The following SAMD5 variants were observed in gnomAD, a reference collection of about 807,000 sequenced individuals.
SAMD5 encodes the protein sterile alpha motif domain containing 5, also known as sterile alpha motif domain-containing protein 5.
In SAMD5, 13 loss-of-function variants were observed where a neutral mutation model predicts 11.3. The ratio of observed to expected loss-of-function variants is 1.15; its 90% CI spans 0.75 to 1.83. The LOEUF is 1.83. Ranked by LOEUF, SAMD5 falls within the 40% of genes most tolerant of loss-of-function variation. SAMD5 has a pLI of 0.00. For missense variants in SAMD5, 255 were observed against 239.1 expected, an observed-to-expected ratio of 1.07 and a Z score of -0.44; for synonymous variants, 129 against 111.3, an observed-to-expected ratio of 1.16 and a Z score of -1.00.
At chr6:147,827,396 G>T in the SAMD5 span, among the ~76,000 whole-genome samples, 1 of 151,954 alleles carries the variant, frequency 6.6e-6, no homozygotes, top group Non-Finnish European at 1.5e-5. Context: ...AGTCAACTGA[G>T]AAAAATGTCA....
the SAMD5 span, among the ~76,000 whole-genome samples, chr6:147,749,987 T>C: frequency 3.8e-3 from 578 of 152,336 alleles, 4 homozygotes; most frequent in Middle Eastern, 0.054. Context: ...CTCTTTCTTA[T>C]TCCTTATCTG....
the SAMD5 span, among the ~76,000 whole-genome samples, chr6:147,790,219 G>A: frequency 1.3e-5 from 2 of 152,144 alleles, no homozygotes; most frequent in African/African-American, 4.8e-5. Flanking sequence ...TCTATACAAT[G>A]GAATATTATA....
At chr6:147,892,082 TG>T in the SAMD5 span, among the ~76,000 whole-genome samples, 9 of 152,236 alleles carry the variant, frequency 5.9e-5, no homozygotes, top group African/African-American at 2.2e-4. Context: ...CAGGCTCTCC[TG>T]GGTTGCAAAT....
chr6:147,514,438 T>C (rs998316218), intron 1 of SAMD5, among the ~76,000 whole-genome samples: 1 of 150,840 alleles, frequency 6.6e-6, no homozygotes, highest in Non-Finnish European at 1.5e-5. Flanking sequence ...CATTCCATCA[T>C]GTAATGTTTA....
At chr6:147,579,116 G>A (rs763947657) in intron 1 of SAMD5, among the ~76,000 whole-genome samples, 10 of 152,246 alleles carry the variant, frequency 6.6e-5, no homozygotes, top group Non-Finnish European at 1.2e-4. Context: ...TGCAGGTACT[G>A]CATTGGTCTC....
the SAMD5 span, among the ~76,000 whole-genome samples, chr6:147,903,879 G>C: frequency 6.6e-6 from 1 of 150,432 alleles, no homozygotes; most frequent in East Asian, 2.0e-4. Context: ...CTGCACTCCA[G>C]CCTGGGCGAC....
chr6:147,795,134 A>G, the SAMD5 span, among the ~76,000 whole-genome samples: 1 of 149,580 alleles, frequency 6.7e-6, no homozygotes, highest in East Asian at 2.0e-4. Flanking sequence ...TTACATACGT[A>G]TACATGTGCC....
the SAMD5 span, among the ~76,000 whole-genome samples, chr6:147,910,426 ACT>A: frequency 6.6e-6 from 1 of 151,798 alleles, no homozygotes; most frequent in Admixed American, 6.6e-5. Context: ...GCCACCTGCT[ACT>A]CTCTCCGGGC....
At chr6:147,918,550 C>T in the SAMD5 span, among the ~76,000 whole-genome samples, 1 of 152,108 alleles carries the variant, frequency 6.6e-6, no homozygotes, top group Non-Finnish European at 1.5e-5. Context: ...AAGAGGAAGT[C>T]AAATCGTCCC....
At position 147,566,078 on chromosome 6, in the gene SAMD5, A is replaced by G. The variant is rs1480959087; in HGVS notation, c.*1622A>G. On this transcript the variant is annotated 3_prime_UTR_variant, in exon 2 of 2. Coordinates refer to ENST00000367474, the MANE Select transcript of SAMD5 (RefSeq NM_001030060.3). ...CCATTAAGAAGGATATTAGGTTTCT[A>G]AGGACAATTTTAACACAATACTGCT... is the stretch of plus-strand genomic sequence containing the variant. The G allele has an allele frequency of 5.1e-6, 5 of 983,568 alleles. No homozygotes were observed. In the African/African-American group the frequency reaches 7.0e-5, roughly 14 times the overall value. The allele number at this position is 983,568 out of a possible 1,614,324, so 60.9% of individuals were successfully genotyped here.
At chr6:147,700,374 A>G (rs1489916862) in intron 1 of SAMD5, among the ~76,000 whole-genome samples, 1 of 152,188 alleles carries the variant, frequency 6.6e-6, no homozygotes, top group Non-Finnish European at 1.5e-5. Context: ...AGCTGTTTTA[A>G]TGAAAAGCAG....
intron 1 of SAMD5, among the ~76,000 whole-genome samples, chr6:147,682,415 G>T (rs1229327756): frequency 6.6e-6 from 1 of 152,126 alleles, no homozygotes; most frequent in Non-Finnish European, 1.5e-5. Context: ...TGAGAGTTTT[G>T]ATTGGTCCAC....
At chr6:147,527,224 T>C (rs1431435125) in intron 1 of SAMD5, among the ~76,000 whole-genome samples, 1 of 151,976 alleles carries the variant, frequency 6.6e-6, no homozygotes, top group Non-Finnish European at 1.5e-5. Context: ...ATAAAGAAAA[T>C]AGGTTTAACA....
intron 1 of SAMD5, among the ~76,000 whole-genome samples, chr6:147,550,995 CA>C (rs1788762698): frequency 6.6e-6 from 1 of 152,078 alleles, no homozygotes; most frequent in Non-Finnish European, 1.5e-5. Context: ...TGTTTTTTGA[CA>C]TTCAGTGATT....
chr6:147,816,320 A>G, the SAMD5 span, among the ~76,000 whole-genome samples: 1 of 136,212 alleles, frequency 7.3e-6, no homozygotes, highest in East Asian at 2.0e-4. Flanking sequence ...ATATATATAT[A>G]TATATATACA....
At chr6:147,740,318 C>T (rs1791862035), downstream of SAMD5, among the ~76,000 whole-genome samples, 2 of 152,154 alleles carry the variant, frequency 1.3e-5, no homozygotes, top group Non-Finnish European at 2.9e-5. Flanking sequence ...GTGAGAGCTA[C>T]ACATGAGTAT....
chr6:147,912,601 C>T, the SAMD5 span, among the ~76,000 whole-genome samples: 6 of 152,224 alleles, frequency 3.9e-5, no homozygotes, highest in African/African-American at 7.2e-5. Flanking sequence ...TCCAACAATA[C>T]GAAAGTACAG....
chr6:147,522,135 CAT>C (rs1362515333), intron 1 of SAMD5, among the ~76,000 whole-genome samples: 4 of 152,138 alleles, frequency 2.6e-5, no homozygotes, highest in African/African-American at 7.2e-5. Context: ...ATTACACACA[CAT>C]GATAATCTTA....
the SAMD5 span, among the ~76,000 whole-genome samples, chr6:147,929,490 A>G: frequency 6.6e-6 from 1 of 152,202 alleles, no homozygotes; most frequent in Non-Finnish European, 1.5e-5. Context: ...TAATTCATAA[A>G]TGATATAACT....
Sources: allele counts gnomAD v4.1 joint callset (sites outside exome capture counted in the v4.1 genomes callset), GRCh38; gene constraint gnomAD v4.1.1; transcripts MANE v1.5; gene names NCBI Gene and HGNC (gene_info 2026-07-23, HGNC 2026-07-21).